The following AKAP9 variants were observed in gnomAD, a reference collection of about 807,000 sequenced individuals.
The protein encoded by AKAP9 is A-kinase anchor protein 9.
Under a neutral mutation model 488.5 loss-of-function variants are expected in AKAP9, and 311 were observed. The observed-to-expected ratio is 0.64, with a 90% confidence interval of 0.58 to 0.70. The LOEUF (loss-of-function observed/expected upper bound fraction) is 0.70, where lower values mean the gene tolerates loss of function less well. AKAP9 is among the 30% of genes least tolerant of loss of function. The pLI is 0.00. For missense variants in AKAP9, 4,215 were observed against 4,374.5 expected, an observed-to-expected ratio of 0.96 and a Z score of 1.03; for synonymous variants, 1,462 against 1,483.5, an observed-to-expected ratio of 0.99 and a Z score of 0.33.
intron 1 of AKAP9, among the ~76,000 whole-genome samples, chr7:91,967,506 A>C (rs1175125473): frequency 6.6e-6 from 1 of 152,172 alleles, no homozygotes; most frequent in Admixed American, 6.5e-5. Context: ...GAGGGTTTCT[A>C]TCCTAAAGGC....
chr7:92,036,893 G>A (rs571146961), intron 16 of AKAP9, among the ~76,000 whole-genome samples: 3 of 152,210 alleles, frequency 2.0e-5, no homozygotes, highest in South Asian at 4.1e-4. Context: ...AGATGACATC[G>A]TTGTTACCAA....
At chr7:91,992,002 T>G (rs954922486) in intron 3 of AKAP9, among the ~76,000 whole-genome samples, 156 bp from the exon 4 acceptor site, 1 of 152,248 alleles carries the variant, frequency 6.6e-6, no homozygotes, top group Non-Finnish European at 1.5e-5. Context: ...TTATGTCTCT[T>G]AGATATTTTA....
At chr7:91,976,578 T>A (rs1184866039) in intron 2 of AKAP9, among the ~76,000 whole-genome samples, 1 of 152,228 alleles carries the variant, frequency 6.6e-6, no homozygotes, top group African/African-American at 2.4e-5. Context: ...GCAATGACTT[T>A]AATACAAAAA....
At position 92,022,234 on chromosome 7, in the gene AKAP9, A is replaced by G. The variant is rs565812419; in HGVS notation, c.3838-4A>G. 52 of 1,595,996 alleles carry G rather than the reference A, an allele frequency of 3.3e-5. No homozygotes were observed. Among genetic ancestry groups the G allele is most frequent in the East Asian group, 6.7e-5 (3 of 44,692 alleles). ...TACTGCTTTTATTCTGTGGTTTTCA[A>G]TAGATCTGGGGACAGCAGACAGATG... On this transcript the variant is annotated splice_region_variant and splice_polypyrimidine_tract_variant and intron_variant, in intron 12 of 49. Coordinates refer to ENST00000356239, the MANE Select transcript of AKAP9 (RefSeq NM_005751.5).
intron 14 of AKAP9, among the ~76,000 whole-genome samples, 189 bp downstream of exon 14, chr7:92,023,198 G>T (rs907442516): frequency 2.6e-5 from 4 of 152,206 alleles, no homozygotes; most frequent in African/African-American, 9.7e-5. Context: ...AAATGTTGAT[G>T]TAAACCAAAG....
rs1390307317 is a variant in AKAP9 at position 92,107,311 on chromosome 7, C to T, written c.11435C>T (p.Ser3812Leu). The T allele has an allele frequency of 5.6e-6, 9 of 1,613,784 alleles. No individual in the cohort carries two copies. Among genetic ancestry groups the T allele is most frequent in the Non-Finnish European group, 7.6e-6 (9 of 1,179,926 alleles). ...GLNQGAEKTD[S>L]FYHSSGGLEL... ...ACTTTAGGTGCAGAAAAGACTGACT[C>T]ATTTTATCATTCTTCTGGTGGGCTG... is the stretch of plus-strand genomic sequence containing the variant. Residue 3812 changes from serine to leucine, a missense_variant, in exon 48 of 50, where the codon TCA becomes TTA. By Grantham distance (145) the Ser-to-Leu change is moderately radical (BLOSUM62 -2). Transcript: ENST00000356239.
intron 28 of AKAP9, among the ~76,000 whole-genome samples, chr7:92,074,242 A>G (rs961177502): frequency 1.3e-5 from 2 of 152,182 alleles, no homozygotes; most frequent in Non-Finnish European, 2.9e-5. Context: ...AGACATTTAT[A>G]TGGCCAAAAA....
chr7:91,965,776 T>C (rs901671607), intron 1 of AKAP9, among the ~76,000 whole-genome samples: 3 of 152,244 alleles, frequency 2.0e-5, no homozygotes, highest in African/African-American at 7.2e-5. Flanking sequence ...AATTCTCTGA[T>C]GATTAGTAAC....
intron 49 of AKAP9, among the ~76,000 whole-genome samples, chr7:92,109,320 T>C (rs1819009826): frequency 6.6e-6 from 1 of 152,258 alleles, no homozygotes; most frequent in African/African-American, 2.4e-5. Flanking sequence ...AGTTCACTCC[T>C]GATTCAGAGA....
chr7:92,065,300 G>A lies in AKAP9; in HGVS notation c.6047G>A (p.Arg2016His), dbSNP rs778790678. 11 of 1,612,928 alleles carry A rather than the reference G, an allele frequency of 6.8e-6. No individual in the cohort carries two copies. Among genetic ancestry groups the A allele is most frequent in the Middle Eastern group, 1.6e-4 (1 of 6,066 alleles). ...LEVQCQAEKV[R>H]DDLQKQVKAL... ...GTACAATGTCAAGCTGAAAAAGTAC[G>A]TGATGACCTTCAAAAACAAGTGAAA... The change falls in exon 25 of 50, where the codon CGT (arginine) becomes CAT (histidine). Residue 2016 changes from arginine to histidine, a missense_variant. This residue lies in a region of AKAP9 where 2,361 missense variants were observed against 2,430.0 expected (regional missense o/e 0.97). Transcript: ENST00000356239.
chr7:92,066,828 G>A (rs1442916623), intron 26 of AKAP9, among the ~76,000 whole-genome samples: 2 of 152,098 alleles, frequency 1.3e-5, no homozygotes. Flanking sequence ...GATCAAGAGA[G>A]TTATCTGTGT....
intron 22 of AKAP9, among the ~76,000 whole-genome samples, chr7:92,058,842 A>C (rs1809262070): frequency 6.6e-6 from 1 of 152,030 alleles, no homozygotes; most frequent in South Asian, 2.1e-4. Context: ...GAAAAAAGGA[A>C]GCTTGGGTTC....
intron 16 of AKAP9, among the ~76,000 whole-genome samples, chr7:92,034,677 G>T (rs1470600345): frequency 7.1e-6 from 1 of 140,852 alleles, no homozygotes; most frequent in African/African-American, 2.6e-5. Flanking sequence ...ATTTTTGTGG[G>T]TTTTTTTTTT....
At chr7:92,085,831 C>G (rs1470358170) in intron 36 of AKAP9, 145 bp downstream of exon 36, 1 of 673,920 alleles carries the variant, frequency 1.5e-6, no homozygotes, top group Non-Finnish European at 2.3e-6. Flanking sequence ...CAGCCAGAAG[C>G]AGTGCCTCAT....
intron 16 of AKAP9, among the ~76,000 whole-genome samples, chr7:92,036,243 C>T (rs1222311750): frequency 1.3e-5 from 2 of 151,858 alleles, no homozygotes; most frequent in Non-Finnish European, 2.9e-5. Context: ...GTAGGTAATA[C>T]GTCTTTTTTC....
intron 1 of AKAP9, among the ~76,000 whole-genome samples, chr7:91,959,692 T>G (rs1793494240): frequency 6.6e-6 from 1 of 152,184 alleles, no homozygotes; most frequent in Non-Finnish European, 1.5e-5. Context: ...ATTTGTTTTC[T>G]TTTTAGACAT....
rs779398715 is a variant in AKAP9 at position 92,001,862 on chromosome 7, C to G, written c.1945C>G (p.Arg649Gly). 6.2e-7 allele frequency: 1 copy of G among 1,612,898 alleles called. No homozygotes were observed. The highest frequency in any genetic ancestry group is 1.1e-5 in the South Asian group (1 of 90,986). Reference sequence around the variant, plus strand: ...GAAGGAAGATTTAGAAATTGAACATCGAATAAATATTGAAAAACTTAAAGA... The same window carrying G: ...GAAGGAAGATTTAGAAATTGAACATGGAATAAATATTGAAAAACTTAAAGA... ...KLKEDLEIEH[R>G]INIEKLKDNL... The change falls in exon 8 of 50, where the codon CGA (arginine) becomes GGA (glycine). Residue 649 changes from arginine (R) to glycine (G), a missense_variant. Coordinates refer to ENST00000356239, the MANE Select transcript of AKAP9 (RefSeq NM_005751.5).
chr7:91,998,689 T>C (rs1798737776), intron 7 of AKAP9, among the ~76,000 whole-genome samples: 2 of 152,030 alleles, frequency 1.3e-5, no homozygotes, highest in African/African-American at 4.8e-5. Flanking sequence ...ATTAACATTT[T>C]TCAAACTTAG....
intron 1 of AKAP9, among the ~76,000 whole-genome samples, chr7:91,943,568 A>G (rs182986241): frequency 4.3e-4 from 66 of 152,350 alleles, no homozygotes; most frequent in Middle Eastern, 3.4e-3. Context: ...GAGCTGCAGT[A>G]GGATTTGGGG....
Sources: allele counts gnomAD v4.1 joint callset (sites outside exome capture counted in the v4.1 genomes callset), GRCh38; gene constraint gnomAD v4.1.1; regional missense constraint gnomAD v4.1.1; transcripts MANE v1.5; gene names NCBI Gene and HGNC (gene_info 2026-07-23, HGNC 2026-07-21).